Variants in NCKAP1 observed in about 807,000 individuals in gnomAD.
NCKAP1 encodes the protein NCK associated protein 1.
Under a neutral mutation model 151.2 loss-of-function variants are expected in NCKAP1, and 21 were observed. The observed-to-expected ratio is 0.14, with a 90% confidence interval of 0.10 to 0.20. The LOEUF is 0.20. NCKAP1 is among the 10% of genes least tolerant of loss of function. The pLI, the probability that NCKAP1 is intolerant of heterozygous loss-of-function variation, is 1.00. For missense variants in NCKAP1, 933 were observed against 1,352.1 expected (o/e 0.69, Z 4.86); for synonymous variants, 484 against 451.8 (o/e 1.07, Z -0.90).
At chr2:182,935,263 A>C (rs1696850379) in intron 25 of NCKAP1, 30 bp downstream of exon 25, 1 of 1,387,176 alleles carries the variant, frequency 7.2e-7, no homozygotes, top group African/African-American at 1.5e-5. Flanking sequence ...TTGTTTGGAT[A>C]CCGAGTATAT....
chr2:182,917,176 C>T lies in NCKAP1; in HGVS notation c.*8526G>A, dbSNP rs1696480810. The T allele has an allele frequency of 6.6e-6, 1 of 152,174 alleles. No homozygotes were observed. Among genetic ancestry groups the T allele is most frequent in the Admixed American group, 6.5e-5 (1 of 15,278 alleles). 9.4% of individuals were successfully genotyped at this position (152,174 alleles called of 1,614,324 possible). A position where few individuals can be genotyped will look rare whatever the true frequency, so the allele number is the denominator to read the frequency against. On this transcript the variant is annotated 3_prime_UTR_variant, in exon 31 of 31. Coordinates refer to ENST00000361354, the MANE Select transcript of NCKAP1 (RefSeq NM_013436.5). ...TAAAGTAGATATTATCCACATTCTA[C>T]ACTTAGGGAAACAAACTTGGAGAAG...
intron 1 of NCKAP1, 88 bp downstream of exon 1, chr2:183,037,904 C>A: frequency 9.6e-7 from 1 of 1,043,472 alleles, no homozygotes; most frequent in Non-Finnish European, 1.3e-6. Flanking sequence ...CCCGGCGCCT[C>A]CTGCCGCCCC....
rs568314129 is a variant in NCKAP1 at position 182,963,850 on chromosome 2, G to T, written c.1761+826C>A. 2.0e-4 allele frequency among the ~76,000 whole-genome samples: 31 copies of T among 152,124 alleles called. 1 individual carries two copies. Among genetic ancestry groups the T allele is most frequent in the African/African-American group, 7.2e-4 (30 of 41,544 alleles). ...TAATATCCTCATAGGTAGAAATTCT[G>T]AAAGTATTCCCTAATAAACTTCCTG... On this transcript the variant is annotated intron_variant, in intron 17 of 30. Transcript: ENST00000361354.
intron 26 of NCKAP1, 136 bp from the exon 27 acceptor site, chr2:182,930,924 C>CT: frequency 3.0e-6 from 2 of 666,666 alleles, no homozygotes; most frequent in Non-Finnish European, 5.3e-6. Context: ...TACAGCAAAA[C>CT]TAAGTATACT....
intron 1 of NCKAP1, among the ~76,000 whole-genome samples, chr2:183,024,610 T>C (rs1393328228): frequency 6.6e-6 from 1 of 152,206 alleles, no homozygotes; most frequent in African/African-American, 2.4e-5. Flanking sequence ...ACTATACAAA[T>C]GTAAGGTATT....
intron 9 of NCKAP1, among the ~76,000 whole-genome samples, chr2:182,987,223 C>G (rs185271140): frequency 1.2e-4 from 18 of 151,878 alleles, no homozygotes; most frequent in Non-Finnish European, 5.9e-5. Flanking sequence ...GCCTGGGTGA[C>G]AGAGCGAAAC....
chr2:182,995,599 T>TA, intron 7 of NCKAP1, 102 bp downstream of exon 7: 1 of 1,099,054 alleles, frequency 9.1e-7, no homozygotes. Context: ...CTTCAACTAA[T>TA]AAGCTAATGC....
chr2:182,967,372 CAAA>C lies in NCKAP1; in HGVS notation c.1483-14_1483-12del. ...GACACTAGTATATGCCTATAAAGTA[CAAA>C]AAAAAAAAAGTAGTTCAGGTAAACA... On this transcript the variant is annotated splice_polypyrimidine_tract_variant and intron_variant, in intron 15 of 30. Coordinates refer to ENST00000361354, the MANE Select transcript of NCKAP1 (RefSeq NM_013436.5). 6.8e-6 allele frequency: 9 copies of C among 1,322,888 alleles called. No homozygotes were observed. The highest frequency in any genetic ancestry group is 5.0e-5 in the Admixed American group (2 of 39,868). 81.9% of individuals were successfully genotyped at this position (1,322,888 alleles called of 1,614,324 possible).
chr2:183,030,672 A>C (rs1168953489), intron 1 of NCKAP1, among the ~76,000 whole-genome samples: 2 of 152,258 alleles, frequency 1.3e-5, no homozygotes, highest in African/African-American at 4.8e-5. Context: ...ATAAAGGGAC[A>C]AAGATTCTTC....
chr2:182,938,786 T>C (rs72886547), intron 24 of NCKAP1, among the ~76,000 whole-genome samples: 5,255 of 152,200 alleles, frequency 0.035, 121 homozygotes, highest in African/African-American at 0.04. Context: ...TAACCAAATT[T>C]CATAGTCCAG....
chr2:182,948,299 T>C (rs897422822), intron 23 of NCKAP1, among the ~76,000 whole-genome samples: 1 of 152,012 alleles, frequency 6.6e-6, no homozygotes, highest in South Asian at 2.1e-4. Flanking sequence ...AAGAATCACA[T>C]AGGAGATTAC....
intron 2 of NCKAP1, among the ~76,000 whole-genome samples, chr2:183,012,726 C>A (rs758480303): frequency 6.6e-6 from 1 of 151,286 alleles, no homozygotes. Context: ...GATTCTTGTG[C>A]CTCAGCCTCC....
Position 183,002,123 on chromosome 2 carries a change from C to A in NCKAP1, c.512+4G>T. 1 of 1,612,358 alleles carries A rather than the reference C, an allele frequency of 6.2e-7. No individual in the cohort carries two copies. The highest frequency in any genetic ancestry group is 8.5e-7 in the Non-Finnish European group (1 of 1,179,302). On this transcript the variant is annotated splice_donor_region_variant and intron_variant, in intron 5 of 30. Coordinates refer to ENST00000361354, the MANE Select transcript of NCKAP1 (RefSeq NM_013436.5). Reference sequence around the variant, plus strand: ...TTAGAAAGACTTTTATAATGCAAATCTACCTTGCTCCATGAGTCATTTCAT... The same window carrying A: ...TTAGAAAGACTTTTATAATGCAAATATACCTTGCTCCATGAGTCATTTCAT...
At chr2:183,001,581 G>A (rs1384262502) in intron 6 of NCKAP1, among the ~76,000 whole-genome samples, 1 of 150,626 alleles carries the variant, frequency 6.6e-6, no homozygotes, top group Non-Finnish European at 1.5e-5. Context: ...TTACTGATAA[G>A]AAAACTGAGG....
chr2:182,984,787 G>A (rs1698016853), intron 10 of NCKAP1, among the ~76,000 whole-genome samples: 1 of 152,182 alleles, frequency 6.6e-6, no homozygotes, highest in African/African-American at 2.4e-5. Context: ...CAGGATTACT[G>A]TGAGGAGTCT....
At chr2:182,959,932 A>C (rs1351377676) in intron 18 of NCKAP1, among the ~76,000 whole-genome samples, 1 of 152,194 alleles carries the variant, frequency 6.6e-6, no homozygotes, top group African/African-American at 2.4e-5. Flanking sequence ...GCATTCTTAT[A>C]CACCAATAAC....
At position 182,964,051 on chromosome 2, in the gene NCKAP1, G is replaced by T. The variant is rs185215836; in HGVS notation, c.1761+625C>A. Among the ~76,000 whole-genome samples, 302 of 152,118 alleles carry T rather than the reference G, an allele frequency of 2.0e-3. 1 individual carries two copies. The highest frequency in any genetic ancestry group is 3.7e-3 in the Non-Finnish European group (250 of 67,940). On this transcript the variant is annotated intron_variant, in intron 17 of 30. Transcript: ENST00000361354. Reference sequence around the variant, plus strand: ...AAACACTAAGTTAAATTATAATAAAGAAATACATTATTTAATCTTTATATT... The same window carrying T: ...AAACACTAAGTTAAATTATAATAAATAAATACATTATTTAATCTTTATATT...
chr2:182,973,408 A>G (rs1224318506), intron 15 of NCKAP1, among the ~76,000 whole-genome samples: 4 of 152,194 alleles, frequency 2.6e-5, no homozygotes, highest in African/African-American at 4.8e-5. Flanking sequence ...AAAAATGCTT[A>G]AGGGACTGAT....
rs1259590751 is a variant in NCKAP1, at chr2:182,912,836, AAGAT to A, written c.*12862_*12865del. On this transcript the variant is annotated 3_prime_UTR_variant, in exon 31 of 31. Coordinates refer to ENST00000361354, the MANE Select transcript of NCKAP1 (RefSeq NM_013436.5). The stretch of plus-strand genomic sequence containing the variant: ...TATAGACAGATCTCAAAACCAAAGA[AAGAT>A]AGAGGAAGAAAGGAAGGAAGGAAGG... 1 of 39,042 alleles carries A rather than the reference AAGAT, an allele frequency of 2.6e-5. No individual in the cohort carries two copies. Among genetic ancestry groups the A allele is most frequent in the African/African-American group, 5.1e-5 (1 of 19,638 alleles). The allele number at this position is 39,042 out of a possible 1,614,324, so 2.4% of individuals were successfully genotyped here. A position where few individuals can be genotyped will look rare whatever the true frequency, so the allele number is the denominator to read the frequency against.
Sources: allele counts gnomAD v4.1 joint callset (sites outside exome capture counted in the v4.1 genomes callset), GRCh38; gene constraint gnomAD v4.1.1; transcripts MANE v1.5; gene names NCBI Gene and HGNC (gene_info 2026-07-23, HGNC 2026-07-21).